FRAS1: variants seen among roughly 807,000 people sequenced by gnomAD.
FRAS1 encodes the protein extracellular matrix organizing protein FRAS1.
FRAS1 carries 290 observed loss-of-function variants against 435.2 expected under a neutral mutation model. The ratio of observed to expected loss-of-function variants is 0.67; its 90% CI spans 0.61 to 0.73. The LOEUF is 0.73. FRAS1 is among the 30% of genes least tolerant of loss of function. FRAS1 has a pLI of 0.00. For synonymous variants in FRAS1, 1,800 were observed against 1,851.0 expected, an observed-to-expected ratio of 0.97 and a Z score of 0.71; for missense variants, 4,860 against 5,001.5, an observed-to-expected ratio of 0.97 and a Z score of 0.85.
At chr4:78,311,671 A>G (rs951214382) in intron 15 of FRAS1, among the ~76,000 whole-genome samples, 3 of 152,230 alleles carry the variant, frequency 2.0e-5, no homozygotes, top group African/African-American at 4.8e-5. Context: ...TGGCTGTGCA[A>G]TCTATATTCC....
rs1205895684 is a variant in FRAS1 at position 78,249,054 on chromosome 4, TATATATATGC to T, written c.310-3329_310-3320del. Among the ~76,000 whole-genome samples the T allele has an allele frequency of 1.7e-3, 160 of 96,608 alleles. 5 individuals are homozygous for T. The highest frequency in any genetic ancestry group is 6.3e-3 in the African/African-American group (148 of 23,474). The allele number at this position is 96,608 out of a possible 152,430, so 63.4% of individuals were successfully genotyped here. On this transcript the variant is annotated intron_variant, in intron 4 of 73. Transcript: ENST00000512123. ...ACGTGTATGAAGAACTACTGATATA[TATATATATGC>T]ATATATATATATATATATATATGCA...
chr4:78,202,725 T>G (rs1723095018), intron 2 of FRAS1, among the ~76,000 whole-genome samples: 1 of 152,148 alleles, frequency 6.6e-6, no homozygotes, highest in Admixed American at 6.5e-5. Flanking sequence ...TGGATCCACC[T>G]CTGGGATTCT....
At chr4:78,188,998 G>A (rs192062956) in intron 2 of FRAS1, among the ~76,000 whole-genome samples, 1 of 152,146 alleles carries the variant, frequency 6.6e-6, no homozygotes, top group Non-Finnish European at 1.5e-5. Context: ...TTATGTCCAG[G>A]TGAAGAGGCA....
chr4:78,116,565 A>G (rs1192395955), intron 2 of FRAS1, among the ~76,000 whole-genome samples: 13 of 152,136 alleles, frequency 8.5e-5, no homozygotes, highest in Non-Finnish European at 1.9e-4. Context: ...TGTTGAATTG[A>G]TCCCTTTACC....
chr4:78,315,535 T>A (rs1466026740), intron 15 of FRAS1, 59 bp from the exon 16 acceptor site: 1 of 1,534,100 alleles, frequency 6.5e-7, no homozygotes, highest in Admixed American at 2.0e-5. Flanking sequence ...AAGAATAGAC[T>A]TCACTGCTTC....
intron 2 of FRAS1, among the ~76,000 whole-genome samples, chr4:78,232,948 C>T: frequency 6.6e-6 from 1 of 152,120 alleles, no homozygotes; most frequent in African/African-American, 2.4e-5. Flanking sequence ...TTCCTAAGCC[C>T]AGATACATTT....
chr4:78,279,751 G>GTTAT (rs1176189337), intron 10 of FRAS1, among the ~76,000 whole-genome samples: 2 of 152,014 alleles, frequency 1.3e-5, no homozygotes, highest in African/African-American at 4.8e-5. Flanking sequence ...TTGGAATGTT[G>GTTAT]ATAAATTCAT....
At chr4:78,264,470 A>G (rs530114090) in intron 6 of FRAS1, among the ~76,000 whole-genome samples, 2 of 152,194 alleles carry the variant, frequency 1.3e-5, no homozygotes, top group Non-Finnish European at 2.9e-5. Flanking sequence ...AAATAAATTT[A>G]TACATTTATA....
chr4:78,518,228 T>G (rs771326240), intron 66 of FRAS1, among the ~76,000 whole-genome samples: 1 of 152,004 alleles, frequency 6.6e-6, no homozygotes, highest in Non-Finnish European at 1.5e-5. Context: ...GCATCAAATT[T>G]TAAATCCCTG....
At chr4:78,431,636 T>C (rs1734226327) in intron 37 of FRAS1, among the ~76,000 whole-genome samples, 1 of 152,198 alleles carries the variant, frequency 6.6e-6, no homozygotes. Context: ...TCATTAGGGC[T>C]CATGGCACTA....
intron 2 of FRAS1, among the ~76,000 whole-genome samples, chr4:78,088,435 A>C (rs36159545): frequency 0.81 from 121,025 of 150,242 alleles, 48,890 homozygotes; most frequent in East Asian, 0.95. Context: ...AATGGGATCT[A>C]ATTAAACTAA....
In FRAS1 at chr4:78,372,659, A is replaced by G. The variant is rs1372793383; in HGVS notation, c.2870-59A>G. 5.6e-6 allele frequency: 9 copies of G among 1,596,484 alleles called. No individual in the cohort carries two copies. The Admixed American group carries it at 6.7e-5, about 12-fold the overall frequency. ...CTGCAGACAGAGTCCTCATAAATGA[A>G]CTGCTGGGTCTGAGGGTGGACAGAA... On this transcript the variant is annotated intron_variant, in intron 23 of 73. Transcript: ENST00000512123.
chr4:78,318,753 A>T (rs1218590021), intron 17 of FRAS1, 57 bp from the exon 18 acceptor site: 1 of 1,487,528 alleles, frequency 6.7e-7, no homozygotes, highest in Non-Finnish European at 9.0e-7. Flanking sequence ...TTAATGAAAG[A>T]TTTGCAACAT....
chr4:78,118,718 A>C (rs1454339286), intron 2 of FRAS1, among the ~76,000 whole-genome samples: 1 of 152,150 alleles, frequency 6.6e-6, no homozygotes, highest in Non-Finnish European at 1.5e-5. Flanking sequence ...GCTGTCTGTC[A>C]ACCCTTTCTT....
rs773799666 is a variant in FRAS1 at position 78,429,136 on chromosome 4, AT to A, written c.4755del (p.His1586ThrfsTer29). 4 of 1,576,976 alleles carry A rather than the reference AT, an allele frequency of 2.5e-6. No individual in the cohort carries two copies. The highest frequency in any genetic ancestry group is 3.4e-6 in the Non-Finnish European group (4 of 1,161,192). On this transcript the variant is annotated frameshift_variant, in exon 36 of 74. Coordinates refer to ENST00000512123, the MANE Select transcript of FRAS1 (RefSeq NM_025074.7). LOFTEE classifies it high-confidence loss of function. ...CACAAGTCCGGAGATGGTCCTCACCATTCACTTACTTCCCAGTGATCAGCAA... is the reference window on the plus strand; with the variant it reads ...CACAAGTCCGGAGATGGTCCTCACCATCACTTACTTCCCAGTGATCAGCAA... ...EHTSPEMVLT[I>X]HLLPSDQQLP...
At position 78,155,624 on chromosome 4, in the gene FRAS1, C is replaced by G. The variant is rs1720852623; in HGVS notation, c.109-81886C>G. Among the ~76,000 whole-genome samples the G allele has an allele frequency of 4.6e-5, 7 of 152,278 alleles. No homozygotes were observed. The South Asian group carries it at 1.5e-3, about 32-fold the overall frequency. On this transcript the variant is annotated intron_variant, in intron 2 of 73. Coordinates refer to ENST00000512123, the MANE Select transcript of FRAS1 (RefSeq NM_025074.7). The stretch of plus-strand genomic sequence containing the variant: ...CATTCTAGGAGCTTATTTATAACCC[C>G]CTGCGAGGAGCAGGCAGTAAGGAAG...
At chr4:78,346,428 C>A (rs988791358) in intron 20 of FRAS1, among the ~76,000 whole-genome samples, 1 of 152,172 alleles carries the variant, frequency 6.6e-6, no homozygotes, top group Non-Finnish European at 1.5e-5. Context: ...ACTTACCCAA[C>A]GTGTCACAGT....
intron 49 of FRAS1, among the ~76,000 whole-genome samples, chr4:78,465,936 G>A (rs1206685738): frequency 1.4e-4 from 21 of 152,108 alleles, no homozygotes; most frequent in Admixed American, 1.4e-3. Context: ...TCTTGGTAGA[G>A]GTTAAAAATT....
At chr4:78,212,071 A>G (rs1390135883) in intron 2 of FRAS1, among the ~76,000 whole-genome samples, 1 of 152,178 alleles carries the variant, frequency 6.6e-6, no homozygotes, top group African/African-American at 2.4e-5. Flanking sequence ...ATATGTATGT[A>G]TATATATACA....
Sources: gnomAD v4.1 joint callset for allele counts (sites outside exome capture counted in the v4.1 genomes callset) on GRCh38, gnomAD v4.1.1 for gene constraint, MANE v1.5 for transcripts, NCBI Gene and HGNC (gene_info 2026-07-23, HGNC 2026-07-21) for gene names.